COMMD1: variants seen among roughly 807,000 people sequenced by gnomAD.
The protein encoded by COMMD1 is COMM domain-containing protein 1.
In COMMD1, 10 loss-of-function variants were observed where a neutral mutation model predicts 17.2. The ratio of observed to expected loss-of-function variants is 0.58; its 90% confidence interval spans 0.36 to 0.99. The LOEUF is 0.99. Among genes scored for constraint, COMMD1 ranks in the 50% least tolerant of loss-of-function variants. The probability of loss-of-function intolerance (pLI) is 0.01; values close to 1 mark genes in which losing one functional copy is unlikely to be tolerated. For missense variants in COMMD1, 270 were observed against 231.8 expected (o/e 1.17, Z -1.07); for synonymous variants, 97 against 91.6 (o/e 1.06, Z -0.34).
chr2:62,063,899 T>TATATATATATATA (rs1558583258), intron 2 of COMMD1, among the ~76,000 whole-genome samples: 1 of 44,200 alleles, frequency 2.3e-5, no homozygotes, highest in African/African-American at 9.7e-5. Flanking sequence ...ATATATATAT[T>TATATATATATATA]AGCCAGGCAT....
upstream of COMMD1, chr2:61,905,651 C>T: frequency 6.6e-7 from 1 of 1,521,650 alleles, no homozygotes; most frequent in East Asian, 2.4e-5. Flanking sequence ...CACGGCTCAG[C>T]TGTTGCGGGG....
At chr2:61,958,511 C>T (rs888618538) in intron 1 of COMMD1, among the ~76,000 whole-genome samples, 37 of 152,158 alleles carry the variant, frequency 2.4e-4, no homozygotes, top group African/African-American at 8.4e-4. Context: ...AAATGATCCA[C>T]CCGCCTTGGC....
At chr2:61,987,939 G>T (rs1456555650) in intron 1 of COMMD1, among the ~76,000 whole-genome samples, 1 of 152,150 alleles carries the variant, frequency 6.6e-6, no homozygotes, top group African/African-American at 2.4e-5. Flanking sequence ...GAGAGCCTCT[G>T]CCTGTATCTG....
chr2:62,009,149 C>G (rs973974999), intron 2 of COMMD1, among the ~76,000 whole-genome samples: 8 of 152,082 alleles, frequency 5.3e-5, no homozygotes, highest in South Asian at 2.1e-4. Flanking sequence ...AGATTTAGAA[C>G]ATGGAATTTA....
At position 62,023,180 on chromosome 2, in the gene COMMD1, C is replaced by T. The variant is rs534848310; in HGVS notation, c.462+22198C>T. Among the ~76,000 whole-genome samples the T allele has an allele frequency of 1.9e-4, 29 of 151,044 alleles. No homozygotes were observed. The East Asian group carries it at 4.1e-3, about 21-fold the overall frequency. On this transcript the variant is annotated intron_variant, in intron 2 of 2. Transcript: ENST00000311832. ...GGTGGAGGTTGCAATGAGCTGAGAT[C>T]GTGCCATTGTACTCCAGCCTGGGCA...
intron 2 of COMMD1, among the ~76,000 whole-genome samples, chr2:62,128,166 A>T (rs1312067799): frequency 6.6e-6 from 1 of 151,722 alleles, no homozygotes; most frequent in Non-Finnish European, 1.5e-5. Context: ...TATCTCTACT[A>T]GAAATGCAAA....
chr2:61,937,364 C>T (rs1170470654), intron 1 of COMMD1, among the ~76,000 whole-genome samples: 17 of 152,132 alleles, frequency 1.1e-4, no homozygotes, highest in African/African-American at 4.1e-4. Context: ...CAAGATTTGC[C>T]AGAGGCAACA....
At chr2:61,983,442 G>T (rs773696646) in intron 1 of COMMD1, among the ~76,000 whole-genome samples, 7 of 152,040 alleles carry the variant, frequency 4.6e-5, no homozygotes, top group Non-Finnish European at 8.8e-5. Context: ...CGACCGCCTC[G>T]GCCTCCCAAA....
At chr2:62,113,218 GGTGA>G (rs1036352914) in intron 2 of COMMD1, among the ~76,000 whole-genome samples, 2 of 151,840 alleles carry the variant, frequency 1.3e-5, no homozygotes, top group African/African-American at 4.8e-5. Context: ...TGGATGTCGT[GGTGA>G]GTGCCTGTAG....
At chr2:61,955,314 C>CTG (rs746738855) in intron 1 of COMMD1, among the ~76,000 whole-genome samples, 1 of 143,302 alleles carries the variant, frequency 7.0e-6, no homozygotes, top group Non-Finnish European at 1.5e-5. Flanking sequence ...CTCTCTCTTT[C>CTG]TCTCTCTCTC....
At chr2:61,993,262 G>A (rs990946471) in intron 1 of COMMD1, among the ~76,000 whole-genome samples, 3 of 152,242 alleles carry the variant, frequency 2.0e-5, no homozygotes, top group Non-Finnish European at 2.9e-5. Flanking sequence ...GGACAGATCA[G>A]AGGGGACATA....
At chr2:62,121,615 G>A (rs1672749270) in intron 2 of COMMD1, among the ~76,000 whole-genome samples, 2 of 151,644 alleles carry the variant, frequency 1.3e-5, no homozygotes, top group Admixed American at 6.6e-5. Context: ...GTGTGCACCT[G>A]TAATCCCAGC....
intron 2 of COMMD1, among the ~76,000 whole-genome samples, chr2:62,132,779 G>A (rs988788065): frequency 1.1e-4 from 17 of 152,068 alleles, no homozygotes; most frequent in Non-Finnish European, 5.9e-5. Flanking sequence ...AACCTGGGAG[G>A]CAAAGGTTGC....
chr2:61,919,573 C>G (rs867979496), intron 1 of COMMD1, among the ~76,000 whole-genome samples: 3 of 134,172 alleles, frequency 2.2e-5, no homozygotes, highest in South Asian at 2.4e-4. Flanking sequence ...GAGTAGAGAA[C>G]CAGTTTTTAT....
chr2:61,989,008 C>G (rs10184011), intron 1 of COMMD1, among the ~76,000 whole-genome samples: 43,554 of 152,068 alleles, frequency 0.29, 8,055 homozygotes, highest in African/African-American at 0.53. Flanking sequence ...CTGCTGCTAG[C>G]GGATGGGGGA....
chr2:61,991,149 T>G (rs374531735), intron 1 of COMMD1, among the ~76,000 whole-genome samples: 1 of 152,154 alleles, frequency 6.6e-6, no homozygotes, highest in East Asian at 1.9e-4. Flanking sequence ...CTTTTTTTTC[T>G]TTAGTATCGT....
At chr2:62,052,369 G>A (rs1670560782) in intron 2 of COMMD1, among the ~76,000 whole-genome samples, 3 of 152,088 alleles carry the variant, frequency 2.0e-5, no homozygotes, top group Non-Finnish European at 2.9e-5. Flanking sequence ...GAAAAATAGA[G>A]GAAGTTTATT....
chr2:61,942,231 G>A (rs1297979312), intron 1 of COMMD1, among the ~76,000 whole-genome samples: 1 of 151,988 alleles, frequency 6.6e-6, no homozygotes, highest in Non-Finnish European at 1.5e-5. Context: ...AGCCTCCCGA[G>A]TAGCTGGGAT....
chr2:61,935,048 G>C (rs1467973904), intron 1 of COMMD1, among the ~76,000 whole-genome samples: 2 of 152,198 alleles, frequency 1.3e-5, no homozygotes, highest in Non-Finnish European at 2.9e-5. Flanking sequence ...TGGCCATAAT[G>C]GTTGTATTAA....
Sources: allele counts gnomAD v4.1 joint callset (sites outside exome capture counted in the v4.1 genomes callset), GRCh38; gene constraint gnomAD v4.1.1; transcripts MANE v1.5; gene names NCBI Gene and HGNC (gene_info 2026-07-23, HGNC 2026-07-21).